Variants in HECTD4 observed in about 807,000 individuals in gnomAD.
HECTD4 encodes probable E3 ubiquitin-protein ligase HECTD4.
A neutral mutation model predicts 471.5 loss-of-function variants in HECTD4; 114 were observed. The ratio of observed to expected loss-of-function variants is 0.24; its 90% confidence interval spans 0.21 to 0.28. HECTD4 has a LOEUF of 0.28. Among genes scored for constraint, HECTD4 ranks in the 10% least tolerant of loss-of-function variants. The pLI is 1.00. For synonymous variants in HECTD4, 2,012 were observed against 2,256.0 expected, an observed-to-expected ratio of 0.89 and a Z score of 3.07; for missense variants, 3,866 against 5,651.5, an observed-to-expected ratio of 0.68 and a Z score of 10.13.
rs2032931528 is a variant in HECTD4, at chr12:112,216,868, A to G, written c.7290T>C (p.Asp2430=). 1 of 1,614,030 alleles carries G rather than the reference A, an allele frequency of 6.2e-7. No homozygotes were observed. The highest frequency in any genetic ancestry group is 8.5e-7 in the Non-Finnish European group (1 of 1,179,880). The change falls in exon 47 of 76, where the codon GAT becomes GAC. Residue 2430 remains aspartate, a synonymous_variant. Coordinates refer to ENST00000682272, the MANE Select transcript of HECTD4 (RefSeq NM_001388303.1). ...IEIVSYGDTD[D]DTGPIVSFGF... ...CAAAGGAAACTATGGGTCCGGTGTC[A>G]TCATCGGTGTCTCCATAGGAAACGA...
At chr12:112,263,030 A>T (rs968725767) in intron 17 of HECTD4, among the ~76,000 whole-genome samples, 5 of 152,056 alleles carry the variant, frequency 3.3e-5, no homozygotes, top group African/African-American at 1.2e-4. Context: ...TCATCTACTG[A>T]CTCCATACCA....
At position 112,290,848 on chromosome 12, in the gene HECTD4, C is replaced by CAAAA. The variant is rs773634720; in HGVS notation, c.1336-7550_1336-7547dup. On this transcript the variant is annotated intron_variant, in intron 7 of 75. Coordinates refer to ENST00000682272, the MANE Select transcript of HECTD4 (RefSeq NM_001388303.1). ...GAGCAACAAGAGCGAAACTCCGTCTCAAAAAAAAACAAAACAAAAAAAAAA... is the reference window on the plus strand; with the variant it reads ...GAGCAACAAGAGCGAAACTCCGTCTCAAAAAAAAAAAAACAAAACAAAAAAAAAA... Among the ~76,000 whole-genome samples the CAAAA allele has an allele frequency of 5.1e-4, 44 of 86,218 alleles. 1 individual carries two copies. The highest frequency in any genetic ancestry group is 1.4e-3 in the South Asian group (4 of 2,930). The allele number at this position is 86,218 out of a possible 152,430, so 56.6% of individuals were successfully genotyped here.
chr12:112,253,913 G>A (rs1195615249), intron 22 of HECTD4, 130 bp downstream of exon 22: 1 of 837,808 alleles, frequency 1.2e-6, no homozygotes, highest in Non-Finnish European at 1.8e-6. Context: ...GACAGGCCTG[G>A]TAAGGTGGCT....
chr12:112,298,372 TAC>T (rs1389977869), intron 7 of HECTD4, among the ~76,000 whole-genome samples: 2 of 152,202 alleles, frequency 1.3e-5, no homozygotes, highest in African/African-American at 4.8e-5. Context: ...AGGTAGTGAA[TAC>T]ACACAGTGTT....
At position 112,163,586 on chromosome 12, in the gene HECTD4, G is replaced by A. The variant is rs1171023748; in HGVS notation, c.12853C>T (p.Leu4285=). ...LTMLSPLEME[L]RTCGLPYINL... ...ATGTAGGGGAGGCCGCAGGTGCGCA[G>A]CTCCATCTCCAGTGGGCTGAGCATG... The change falls in exon 74 of 76, where the codon CTG becomes TTG. Residue 4285 remains leucine, a synonymous_variant. Transcript: ENST00000682272. This position sits in a 1 kb window ranked among gnomAD's most constrained non-coding sequence, Gnocchi z 8.2. 1 of 1,517,320 alleles carries A rather than the reference G, an allele frequency of 6.6e-7. No individual in the cohort carries two copies. Among genetic ancestry groups the A allele is most frequent in the Admixed American group, 2.2e-5 (1 of 44,880 alleles). 94.0% of individuals were successfully genotyped at this position (1,517,320 alleles called of 1,614,324 possible). A position where few individuals can be genotyped will look rare whatever the true frequency, so the allele number is the denominator to read the frequency against.
At position 112,235,919 on chromosome 12, in the gene HECTD4, C is replaced by CT; in HGVS notation, c.5445-136dup. 1 of 755,522 alleles carries CT rather than the reference C, an allele frequency of 1.3e-6. No homozygotes were observed. The highest frequency in any genetic ancestry group is 2.1e-6 in the Non-Finnish European group (1 of 481,048). 46.8% of individuals were successfully genotyped at this position (755,522 alleles called of 1,614,324 possible). ...GAATCATGAATGTGGCACTATGCTT[C>CT]TGTGAAGAATTAAGAATTTTGGAAA... is the stretch of plus-strand genomic sequence containing the variant. On this transcript the variant is annotated intron_variant, in intron 35 of 75. Coordinates refer to ENST00000682272, the MANE Select transcript of HECTD4 (RefSeq NM_001388303.1). This position sits in a 1 kb window ranked among gnomAD's most constrained non-coding sequence, Gnocchi z 5.0.
intron 60 of HECTD4, among the ~76,000 whole-genome samples, chr12:112,186,621 G>A (rs929692191): frequency 3.3e-5 from 5 of 150,576 alleles, no homozygotes; most frequent in Non-Finnish European, 7.4e-5. Context: ...TTACAGGCAT[G>A]AGCCACTGTG....
intron 66 of HECTD4, among the ~76,000 whole-genome samples, chr12:112,174,931 G>A (rs950420183): frequency 2.0e-5 from 3 of 152,192 alleles, no homozygotes; most frequent in East Asian, 1.9e-4. Flanking sequence ...ATGTGCACAC[G>A]TGCGTGAGCC....
In HECTD4 at chr12:112,193,322, T is replaced by A; in HGVS notation, c.8956-131A>T. 7.4e-7 allele frequency: 1 copy of A among 1,354,956 alleles called. No individual in the cohort carries two copies. Among genetic ancestry groups the A allele is most frequent in the South Asian group, 1.3e-5 (1 of 75,104 alleles). The allele number at this position is 1,354,956 out of a possible 1,614,324, so 83.9% of individuals were successfully genotyped here. On this transcript the variant is annotated intron_variant, in intron 57 of 75. Coordinates refer to ENST00000682272, the MANE Select transcript of HECTD4 (RefSeq NM_001388303.1). This position sits in a 1 kb window ranked among gnomAD's most constrained non-coding sequence, Gnocchi z 5.2. ...CCTCTGGAAGGAAGCAAGCTACAGA[T>A]GAGATAAAGCAGAAAAGCTTCTAGG...
At chr12:112,322,591 G>A (rs903453795) in intron 1 of HECTD4, 1 of 152,610 alleles carries the variant, frequency 6.6e-6, no homozygotes, top group East Asian at 1.9e-4. Flanking sequence ...TAAACTGGCA[G>A]AGGTGGAAAT....
At position 112,248,131 on chromosome 12, in the gene HECTD4, T is replaced by G; in HGVS notation, c.4184A>C (p.Asp1395Ala). The G allele has an allele frequency of 6.2e-7, 1 of 1,613,650 alleles. No homozygotes were observed. The highest frequency in any genetic ancestry group is 2.2e-5 in the East Asian group (1 of 44,862). Reference protein sequence around the residue: ...ELEQKWQSEVDDAMQGKLENN... With the variant: ...ELEQKWQSEVADAMQGKLENN... ...CTCCAGTTTCCCCTGCATGGCATCA[T>G]CAACTTCACTTTGCCATTTTTGTTC... The change falls in exon 27 of 76, where the codon GAT becomes GCT. Residue 1395 changes from aspartate (D) to alanine (A), a missense_variant. Coordinates refer to ENST00000682272, the MANE Select transcript of HECTD4 (RefSeq NM_001388303.1).
chr12:112,208,639 G>C lies in HECTD4; in HGVS notation c.7868-9C>G, dbSNP rs1221037820. On this transcript the variant is annotated splice_polypyrimidine_tract_variant and intron_variant, in intron 50 of 75. Transcript: ENST00000682272. ...GGTGTCACTATCATATTCTGTAACAGAGCACAAGGACAGCGAATTCTAAAC... is the reference window on the plus strand; with the variant it reads ...GGTGTCACTATCATATTCTGTAACACAGCACAAGGACAGCGAATTCTAAAC... 6.4e-7 allele frequency: 1 copy of C among 1,552,300 alleles called. No individual in the cohort carries two copies.
rs749468273 is a variant in HECTD4 at position 112,274,865 on chromosome 12, C to T, written c.1783G>A (p.Ala595Thr). Residue 595 changes from alanine (A) to threonine (T), a missense_variant, in exon 10 of 76, where the codon GCT (alanine) becomes ACT (threonine). Around this residue, in one of 16 missense-constraint regions of HECTD4, gnomAD observed 525 missense variants for 672.6 expected, o/e 0.78. Transcript: ENST00000682272. ...DAAGSSLGRG[A>T]LVPGLGACYD... ...TTCTTACCCAATCCTGGTACGAGAG[C>T]ACCACGCCCCAGTGAGCTTCCAGCA... is the stretch of plus-strand genomic sequence containing the variant. 1.3e-6 allele frequency: 2 copies of T among 1,546,808 alleles called. No individual in the cohort carries two copies. Among genetic ancestry groups the T allele is most frequent in the Non-Finnish European group, 8.7e-7 (1 of 1,143,616 alleles).
chr12:112,175,878 T>A lies in HECTD4; in HGVS notation c.11471-19A>T, dbSNP rs768652303. On this transcript the variant is annotated intron_variant, in intron 65 of 75. Coordinates refer to ENST00000682272, the MANE Select transcript of HECTD4 (RefSeq NM_001388303.1). ...TCAGGGACTGGTGGAAAGGGTTCAG[T>A]GTGAGGAATCTGGTGAGACCTGCGC... 6.2e-7 allele frequency: 1 copy of A among 1,612,484 alleles called. No individual in the cohort carries two copies. Among genetic ancestry groups the A allele is most frequent in the East Asian group, 2.2e-5 (1 of 44,874 alleles).
chr12:112,247,690 T>C lies in HECTD4; in HGVS notation c.4249-140A>G, dbSNP rs2033791853. 1.1e-5 allele frequency: 5 copies of C among 444,124 alleles called. No homozygotes were observed. In the East Asian group the frequency reaches 1.4e-4, roughly 12 times the overall value. 27.5% of individuals were successfully genotyped at this position (444,124 alleles called of 1,614,324 possible). A position where few individuals can be genotyped will look rare whatever the true frequency, so the allele number is the denominator to read the frequency against. On this transcript the variant is annotated intron_variant, in intron 27 of 75. Transcript: ENST00000682272. ...TGCTTGAAACTCATTTGTAAGTTAT[T>C]ATTTGATATTTTAATGATTAAAAAT...
chr12:112,260,825 T>C (rs2034130199), intron 18 of HECTD4, among the ~76,000 whole-genome samples: 1 of 151,932 alleles, frequency 6.6e-6, no homozygotes, highest in Admixed American at 6.6e-5. Context: ...AAGGGCTTTA[T>C]TACTGTGAAA....
chr12:112,377,041 G>A lies in HECTD4; in HGVS notation c.177+4911C>T, dbSNP rs532192380. On this transcript the variant is annotated intron_variant, in intron 1 of 75. Transcript: ENST00000682272. ...GCTGGAGAATCGCCTCAACCCGGGAGGTGGAGGCTGCAGTGAGCAGAGATG... is the reference window on the plus strand; with the variant it reads ...GCTGGAGAATCGCCTCAACCCGGGAAGTGGAGGCTGCAGTGAGCAGAGATG... Among the ~76,000 whole-genome samples, 3 of 152,340 alleles carry A rather than the reference G, an allele frequency of 2.0e-5. No individual in the cohort carries two copies. In the South Asian group the frequency reaches 6.2e-4, roughly 32 times the overall value.
intron 7 of HECTD4, among the ~76,000 whole-genome samples, chr12:112,285,234 T>C (rs1359238176): frequency 6.6e-6 from 1 of 152,102 alleles, no homozygotes; most frequent in Non-Finnish European, 1.5e-5. Context: ...CCTTCCTGTC[T>C]CTCTCTTTGC....
In HECTD4 at chr12:112,228,959, T is replaced by C. The variant is rs2033308807; in HGVS notation, c.6520-148A>G. 1 of 753,140 alleles carries C rather than the reference T, an allele frequency of 1.3e-6. No individual in the cohort carries two copies. Among genetic ancestry groups the C allele is most frequent in the South Asian group, 1.7e-5 (1 of 57,868 alleles). 46.7% of individuals were successfully genotyped at this position (753,140 alleles called of 1,614,324 possible). A position where few individuals can be genotyped will look rare whatever the true frequency, so the allele number is the denominator to read the frequency against. On this transcript the variant is annotated intron_variant, in intron 41 of 75. Transcript: ENST00000682272. This position sits in a 1 kb window ranked among gnomAD's most constrained non-coding sequence, Gnocchi z 4.9. Reference sequence around the variant, plus strand: ...TACTAGGGTAGCAGATACCAAGCCCTAGACATGACTTATAATAGGCCCTAA... The same window carrying C: ...TACTAGGGTAGCAGATACCAAGCCCCAGACATGACTTATAATAGGCCCTAA...
Sources: gnomAD v4.1 joint callset for allele counts (sites outside exome capture counted in the v4.1 genomes callset) on GRCh38, gnomAD v4.1.1 for gene constraint, gnomAD v4.1.1 regional missense constraint, Gnocchi (gnomAD v3.1) non-coding constraint, MANE v1.5 for transcripts, NCBI Gene and HGNC (gene_info 2026-07-23, HGNC 2026-07-21) for gene names.